GRAMD1B: variants seen among roughly 807,000 people sequenced by gnomAD.
The protein encoded by GRAMD1B is GRAM domain containing 1B.
Under a neutral mutation model 99.7 loss-of-function variants are expected in GRAMD1B, and 37 were observed. That is an observed-to-expected ratio of 0.37 (90% CI 0.29 to 0.49). The LOEUF is 0.49. GRAMD1B is among the 20% of genes least tolerant of loss of function. The pLI, the probability that GRAMD1B is intolerant of heterozygous loss-of-function variation, is 0.98. For missense variants in GRAMD1B, 888 were observed against 1,009.2 expected, an observed-to-expected ratio of 0.88 and a Z score of 1.63; for synonymous variants, 427 against 387.6, an observed-to-expected ratio of 1.10 and a Z score of -1.19.
rs138350485 is a variant in GRAMD1B, at chr11:123,507,790, G to A, written c.452+26897G>A. 1.1e-4 allele frequency among the ~76,000 whole-genome samples: 17 copies of A among 152,122 alleles called. No homozygotes were observed. The East Asian group carries it at 3.3e-3, about 29-fold the overall frequency. The stretch of plus-strand genomic sequence containing the variant: ...CTTCAGTTTAAAAAAAGGCCTCAAA[G>A]GGAAGTGTCCAATTGAGGTTTTATA... On this transcript the variant is annotated intron_variant, in intron 2 of 19. Coordinates refer to ENST00000635736, the MANE Select transcript of GRAMD1B (RefSeq NM_001387025.1).
At chr11:123,560,609 C>G (rs557817954) in intron 2 of GRAMD1B, 15 of 508,632 alleles carry the variant, frequency 2.9e-5, no homozygotes, top group Non-Finnish European at 5.4e-5. Context: ...ATGAGTTCCT[C>G]TCTGCACTGC....
chr11:123,589,459 T>C (rs992585054), intron 4 of GRAMD1B, among the ~76,000 whole-genome samples: 5 of 151,748 alleles, frequency 3.3e-5, no homozygotes, highest in Admixed American at 6.6e-5. Flanking sequence ...TGGAATCTAC[T>C]TTTTTTGAGA....
In GRAMD1B at chr11:123,431,156, A is replaced by G. The variant is rs1591514241; in HGVS notation, c.364A>G (p.Ser122Gly). The change falls in exon 1 of 20, where the codon AGT becomes GGT. Residue 122 changes from serine to glycine, a missense_variant. Physicochemically the swap from Ser to Gly is moderately conservative, Grantham distance 56. Coordinates refer to ENST00000635736, the MANE Select transcript of GRAMD1B (RefSeq NM_001387025.1). ...GAGGGTGAGGGAGCGGAAGGAGTGC[A>G]GTGAAAGCAGGTACGTCCCCGTTCC... ...WLRVRERKEC[S>G]ESSSQQSSQQ... is the part of the protein sequence containing the mutation. 1.4e-6 allele frequency: 1 copy of G among 701,914 alleles called. No individual in the cohort carries two copies. The highest frequency in any genetic ancestry group is 2.6e-6 in the Non-Finnish European group (1 of 384,284). The allele number at this position is 701,914 out of a possible 1,614,324, so 43.5% of individuals were successfully genotyped here.
In GRAMD1B at chr11:123,618,738, C is replaced by A; in HGVS notation, c.2364C>A (p.Leu788=). ...TTAACATGATGCTCTTCTACAAACT[C>A]TGGATGTTGGAATACACCACGCAGA... ...VILNMMLFYK[L]WMLEYTTQTL... The change falls in exon 18 of 20, where the codon CTC becomes CTA. Residue 788 remains leucine (L), a synonymous_variant. Coordinates refer to ENST00000635736, the MANE Select transcript of GRAMD1B (RefSeq NM_001387025.1). 6.3e-7 allele frequency: 1 copy of A among 1,591,116 alleles called. No homozygotes were observed. Among genetic ancestry groups the A allele is most frequent in the Non-Finnish European group, 8.6e-7 (1 of 1,168,178 alleles).
chr11:123,470,739 G>T (rs761833324), intron 1 of GRAMD1B, among the ~76,000 whole-genome samples: 55 of 152,076 alleles, frequency 3.6e-4, no homozygotes, highest in Non-Finnish European at 6.2e-4. Flanking sequence ...CTCACAACAG[G>T]TCTGTAAAGT....
intron 1 of GRAMD1B, among the ~76,000 whole-genome samples, chr11:123,402,222 G>T (rs994645010): frequency 1.3e-5 from 2 of 152,080 alleles, no homozygotes; most frequent in Admixed American, 6.6e-5. Context: ...CACCATGTTG[G>T]CCAGGCTGGT....
intron 2 of GRAMD1B, among the ~76,000 whole-genome samples, chr11:123,538,466 C>T (rs1275975394): frequency 1.3e-5 from 2 of 152,072 alleles, no homozygotes; most frequent in Non-Finnish European, 2.9e-5. Context: ...CTTTAATTTG[C>T]AGCTATTACC....
chr11:123,372,831 A>G (rs1946571029), intron 1 of GRAMD1B, among the ~76,000 whole-genome samples: 1 of 152,134 alleles, frequency 6.6e-6, no homozygotes, highest in Non-Finnish European at 1.5e-5. Flanking sequence ...ACAGGCAGAG[A>G]TTTGTGTTAA....
At chr11:123,580,287 A>G (rs1003882178) in intron 3 of GRAMD1B, among the ~76,000 whole-genome samples, 2 of 152,218 alleles carry the variant, frequency 1.3e-5, no homozygotes, top group Non-Finnish European at 2.9e-5. Flanking sequence ...CCTGAAGTAG[A>G]TGGTGCGGCA....
chr11:123,477,541 C>CT (rs2134765849), intron 1 of GRAMD1B, among the ~76,000 whole-genome samples: 1 of 151,066 alleles, frequency 6.6e-6, no homozygotes, highest in South Asian at 2.1e-4. Context: ...TTTAGAGTTT[C>CT]TTTTTCAGGG....
At position 123,587,686 on chromosome 11, in the gene GRAMD1B, T is replaced by A. The variant is rs1950207443; in HGVS notation, c.684+3354T>A. Among the ~76,000 whole-genome samples the A allele has an allele frequency of 6.6e-6, 1 of 152,194 alleles. No individual in the cohort carries two copies. Among genetic ancestry groups the A allele is most frequent in the African/African-American group, 2.4e-5 (1 of 41,458 alleles). ...AGGAGCCCAGACCCTGGCAGCCGCC[T>A]GAGACTTAGCACCCTGCTTGCCTGA... On this transcript the variant is annotated intron_variant, in intron 4 of 19. Transcript: ENST00000635736. The surrounding 1 kb of genome is among the most constrained non-coding windows in gnomAD (Gnocchi z 4.2).
chr11:123,368,275 A>AAGAAAG (rs1555106319), intron 1 of GRAMD1B, among the ~76,000 whole-genome samples: 1 of 127,112 alleles, frequency 7.9e-6, no homozygotes, highest in Non-Finnish European at 1.5e-5. Context: ...AAAAAAAAAA[A>AAGAAAG]AAAGAAAGAA....
intron 1 of GRAMD1B, among the ~76,000 whole-genome samples, chr11:123,434,246 A>G (rs1236964129): frequency 1.3e-5 from 2 of 150,754 alleles, no homozygotes; most frequent in Non-Finnish European, 3.0e-5. Context: ...AAAAAAAAAA[A>G]AAAAAAAACC....
At chr11:123,481,192 C>T (rs1417878782) in intron 2 of GRAMD1B, among the ~76,000 whole-genome samples, 6 of 152,144 alleles carry the variant, frequency 3.9e-5, no homozygotes, top group Non-Finnish European at 7.3e-5. Flanking sequence ...TGGTGGCTCA[C>T]ACCGGCAATC....
At chr11:123,459,822 A>G (rs996284735) in intron 1 of GRAMD1B, 2 of 152,222 alleles carry the variant, frequency 1.3e-5, no homozygotes, top group African/African-American at 4.8e-5. Context: ...TTGTTCTGCT[A>G]CCTTCTCACT....
intron 4 of GRAMD1B, 49 bp from the exon 5 acceptor site, chr11:123,594,033 C>A (rs769076306): frequency 6.3e-6 from 8 of 1,279,254 alleles, no homozygotes; most frequent in Non-Finnish European, 9.1e-6. Context: ...TCCTTCCTAA[C>A]CCCACAGAAC....
chr11:123,539,191 A>G (rs1388883766), intron 2 of GRAMD1B, among the ~76,000 whole-genome samples: 4 of 152,072 alleles, frequency 2.6e-5, no homozygotes, highest in African/African-American at 9.7e-5. Context: ...TCATGCTACT[A>G]TACTCTAGCC....
At chr11:123,521,385 T>G (rs528292071) in intron 2 of GRAMD1B, among the ~76,000 whole-genome samples, 1 of 152,224 alleles carries the variant, frequency 6.6e-6, no homozygotes, top group Non-Finnish European at 1.5e-5. Flanking sequence ...GAATTATCTT[T>G]CTTTTTCTCA....
At chr11:123,409,157 C>T (rs759947743) in intron 1 of GRAMD1B, among the ~76,000 whole-genome samples, 3 of 152,224 alleles carry the variant, frequency 2.0e-5, no homozygotes, top group African/African-American at 7.2e-5. Flanking sequence ...TGTTTTATCA[C>T]ATAACTGCTG....
Sources: allele counts gnomAD v4.1 joint callset (sites outside exome capture counted in the v4.1 genomes callset), GRCh38; gene constraint gnomAD v4.1.1; non-coding constraint Gnocchi (gnomAD v3.1); transcripts MANE v1.5; gene names NCBI Gene and HGNC (gene_info 2026-07-23, HGNC 2026-07-21).